ST6GALNAC3: variants seen among roughly 807,000 people sequenced by gnomAD.
ST6GALNAC3 encodes ST6 N-acetylgalactosaminide alpha-2,6-sialyltransferase 3.
In ST6GALNAC3, 25 loss-of-function variants were observed where a neutral mutation model predicts 32.7. The ratio of observed to expected loss-of-function variants is 0.76; its 90% CI spans 0.56 to 1.07. The LOEUF (loss-of-function observed/expected upper bound fraction) is 1.07. Among genes scored for constraint, ST6GALNAC3 ranks in the 50% least tolerant of loss-of-function variants. The probability of loss-of-function intolerance (pLI) is 0.00; values close to 1 mark genes in which losing one functional copy is unlikely to be tolerated. For missense variants in ST6GALNAC3, 355 were observed against 382.4 expected (o/e 0.93, Z 0.60); for synonymous variants, 129 against 133.1 (o/e 0.97, Z 0.21).
At chr1:76,260,356 G>A (rs1658158099) in intron 1 of ST6GALNAC3, among the ~76,000 whole-genome samples, 1 of 152,202 alleles carries the variant, frequency 6.6e-6, no homozygotes, top group African/African-American at 2.4e-5. Context: ...ATGTCAATCT[G>A]TGGAAGGACT....
At chr1:76,077,258 CTT>C (rs58714013) in intron 1 of ST6GALNAC3, among the ~76,000 whole-genome samples, 9 of 145,690 alleles carry the variant, frequency 6.2e-5, no homozygotes, top group Non-Finnish European at 9.1e-5. Flanking sequence ...AAACTATGGA[CTT>C]TTTTTTTTTT....
intron 1 of ST6GALNAC3, among the ~76,000 whole-genome samples, chr1:76,126,676 T>C (rs1649275515): frequency 6.6e-6 from 1 of 152,162 alleles, no homozygotes; most frequent in African/African-American, 2.4e-5. Context: ...CAGCTCTCCC[T>C]TTATGCTGGG....
chr1:76,337,740 T>G (rs1308686561), intron 2 of ST6GALNAC3, among the ~76,000 whole-genome samples: 1 of 152,098 alleles, frequency 6.6e-6, no homozygotes, highest in Non-Finnish European at 1.5e-5. Context: ...CTCATGAGCC[T>G]GGGGAGAATC....
intron 1 of ST6GALNAC3, among the ~76,000 whole-genome samples, chr1:76,154,290 C>T (rs925586401): frequency 1.3e-5 from 2 of 152,092 alleles, no homozygotes; most frequent in African/African-American, 4.8e-5. Context: ...ATGCAGGGCC[C>T]TTTCTCCCCC....
chr1:76,272,260 T>C (rs1570647595), intron 1 of ST6GALNAC3, among the ~76,000 whole-genome samples: 1 of 146,904 alleles, frequency 6.8e-6, no homozygotes, highest in African/African-American at 2.5e-5. Flanking sequence ...CAGGTCGAGG[T>C]TGCAGTGAGC....
At chr1:76,568,103 T>G (rs315013) in intron 3 of ST6GALNAC3, among the ~76,000 whole-genome samples, 1 of 152,050 alleles carries the variant, frequency 6.6e-6, no homozygotes, top group Non-Finnish European at 1.5e-5. Context: ...GCAGAATGCC[T>G]GGTTAACTCA....
intron 2 of ST6GALNAC3, among the ~76,000 whole-genome samples, chr1:76,316,421 A>T (rs1646867268): frequency 6.6e-6 from 1 of 152,088 alleles, no homozygotes; most frequent in Admixed American, 6.6e-5. Flanking sequence ...GTCGTGCCAC[A>T]TACATTTGGA....
chr1:76,208,380 C>T (rs3011989), intron 1 of ST6GALNAC3, among the ~76,000 whole-genome samples: 23,008 of 152,200 alleles, frequency 0.15, 1,864 homozygotes, highest in Non-Finnish European at 0.19. Context: ...TTTGAAAGCT[C>T]GTGTTTATAG....
intron 1 of ST6GALNAC3, among the ~76,000 whole-genome samples, chr1:76,108,527 G>A (rs1647694064): frequency 6.6e-6 from 1 of 152,124 alleles, no homozygotes; most frequent in South Asian, 2.1e-4. Context: ...ATTCTTTGAT[G>A]GAACTGTGTT....
chr1:76,634,091 C>T lies in ST6GALNAC3; in HGVS notation c.*5285C>T, dbSNP rs922639579. 1.6e-4 allele frequency: 152 copies of T among 924,344 alleles called. No homozygotes were observed. Among genetic ancestry groups the T allele is most frequent in the Non-Finnish European group, 1.9e-4 (145 of 775,318 alleles). The allele number at this position is 924,344 out of a possible 1,614,324, so 57.3% of individuals were successfully genotyped here. A position where few individuals can be genotyped will look rare whatever the true frequency, so the allele number is the denominator to read the frequency against. On this transcript the variant is annotated 3_prime_UTR_variant, in exon 5 of 5. Transcript: ENST00000328299. ...TGTTTGTTTCTTTTCAGAATAGGCA[C>T]TTTTTTTTGAGTAGAAAACCTCTTC... is the stretch of plus-strand genomic sequence containing the variant.
intron 3 of ST6GALNAC3, among the ~76,000 whole-genome samples, chr1:76,580,235 C>G (rs1408338293): frequency 3.9e-5 from 6 of 151,970 alleles, no homozygotes; most frequent in Non-Finnish European, 7.4e-5. Context: ...TCAAATTGTC[C>G]CATCTTTGGC....
At chr1:76,370,590 A>G (rs1650739393) in intron 2 of ST6GALNAC3, among the ~76,000 whole-genome samples, 1 of 152,128 alleles carries the variant, frequency 6.6e-6, no homozygotes, top group Non-Finnish European at 1.5e-5. Context: ...CTGAAAGTCA[A>G]TATGGCGATA....
intron 3 of ST6GALNAC3, among the ~76,000 whole-genome samples, chr1:76,490,788 T>G (rs1398961640): frequency 2.0e-5 from 3 of 152,030 alleles, no homozygotes; most frequent in African/African-American, 7.2e-5. Context: ...TTACACCTAC[T>G]CCCCGTCTTC....
chr1:76,413,671 T>A (rs538020839), intron 3 of ST6GALNAC3, among the ~76,000 whole-genome samples: 6 of 152,232 alleles, frequency 3.9e-5, no homozygotes, highest in Admixed American at 2.6e-4. Context: ...GAAATAGCCA[T>A]GAAATACTAG....
At chr1:76,099,511 G>A (rs774463493) in intron 1 of ST6GALNAC3, among the ~76,000 whole-genome samples, 6 of 152,144 alleles carry the variant, frequency 3.9e-5, no homozygotes, top group Non-Finnish European at 7.4e-5. Context: ...ATGCACTGTC[G>A]ATACATGCAA....
At chr1:76,178,096 G>A (rs1383790825) in intron 1 of ST6GALNAC3, among the ~76,000 whole-genome samples, 1 of 152,230 alleles carries the variant, frequency 6.6e-6, no homozygotes, top group East Asian at 1.9e-4. Context: ...GGAGTGTTAT[G>A]AGGCTGTAAG....
chr1:76,615,331 C>T (rs1648225168), intron 3 of ST6GALNAC3, among the ~76,000 whole-genome samples: 1 of 152,072 alleles, frequency 6.6e-6, no homozygotes, highest in Non-Finnish European at 1.5e-5. Context: ...CCTTAAGACT[C>T]AGCAGAGCTA....
chr1:76,242,999 T>C (rs1023176055), intron 1 of ST6GALNAC3, among the ~76,000 whole-genome samples: 1 of 152,186 alleles, frequency 6.6e-6, no homozygotes, highest in African/African-American at 2.4e-5. Flanking sequence ...CAAATGGTAT[T>C]TCTTGTTCTA....
intron 2 of ST6GALNAC3, among the ~76,000 whole-genome samples, chr1:76,332,440 A>G (rs1647205363): frequency 6.6e-6 from 1 of 152,222 alleles, no homozygotes; most frequent in Non-Finnish European, 1.5e-5. Context: ...TGTTCATCTC[A>G]TAGTGTTCAG....
Sources: gnomAD v4.1 joint callset for allele counts (sites outside exome capture counted in the v4.1 genomes callset) on GRCh38, gnomAD v4.1.1 for gene constraint, MANE v1.5 for transcripts, NCBI Gene and HGNC (gene_info 2026-07-23, HGNC 2026-07-21) for gene names.